MEP1A: variants seen among roughly 807,000 people sequenced by gnomAD.
The protein encoded by MEP1A is N-benzoyl-L-tyrosyl-P-amino-benzoic acid hydrolase subunit alpha.
Under a neutral mutation model 84.5 loss-of-function variants are expected in MEP1A, and 68 were observed. The ratio of observed to expected loss-of-function variants is 0.80; its 90% CI spans 0.66 to 0.98. The LOEUF (loss-of-function observed/expected upper bound fraction) is 0.98. Among genes scored for constraint, MEP1A ranks in the 50% least tolerant of loss-of-function variants. The pLI, the probability that MEP1A is intolerant of heterozygous loss-of-function variation, is 0.00. For missense variants in MEP1A, 887 were observed against 919.9 expected (o/e 0.96, Z 0.46); for synonymous variants, 337 against 336.8 (o/e 1.00, Z -0.01).
chr6:46,814,290 CT>C (rs1186974418), intron 6 of MEP1A, among the ~76,000 whole-genome samples: 3 of 152,038 alleles, frequency 2.0e-5, no homozygotes, highest in Non-Finnish European at 4.4e-5. Context: ...ATTCAAAAGC[CT>C]TGCCTTTGAG....
In MEP1A at chr6:46,829,423, T is replaced by A; in HGVS notation, c.996T>A (p.Ser332=). 1 of 1,614,156 alleles carries A rather than the reference T, an allele frequency of 6.2e-7. No homozygotes were observed. The highest frequency in any genetic ancestry group is 2.2e-5 in the East Asian group (1 of 44,878). ...CGGAAGAGGCAGCCCTACTGGAGTC[T>A]CGGATTCTTTACCCAAAGAGGAAGC... The part of the protein sequence containing the change: ...GSAEEAALLE[S]RILYPKRKQQ... Residue 332 remains serine (S), a synonymous_variant, in exon 10 of 14, where the codon TCT becomes TCA. Coordinates refer to ENST00000230588, the MANE Select transcript of MEP1A (RefSeq NM_005588.3).
chr6:46,833,641 G>T, intron 11 of MEP1A, 103 bp downstream of exon 11: 1 of 835,280 alleles, frequency 1.2e-6, no homozygotes, highest in Non-Finnish European at 1.9e-6. Context: ...CACATTGTCT[G>T]TTTGGGAATA....
At chr6:46,843,045 A>G (rs1157252661), downstream of MEP1A, among the ~76,000 whole-genome samples, 1 of 152,222 alleles carries the variant, frequency 6.6e-6, no homozygotes, top group African/African-American at 2.4e-5. Flanking sequence ...GGTTCATTCT[A>G]GACACATACA....
intron 10 of MEP1A, among the ~76,000 whole-genome samples, chr6:46,830,898 A>G (rs1003638300): frequency 3.3e-5 from 5 of 152,208 alleles, no homozygotes; most frequent in African/African-American, 1.2e-4. Context: ...GTGTTATGTT[A>G]CCAAGGATTG....
At chr6:46,822,130 C>G (rs1024321628) in intron 7 of MEP1A, among the ~76,000 whole-genome samples, 1 of 152,158 alleles carries the variant, frequency 6.6e-6, no homozygotes, top group East Asian at 1.9e-4. Context: ...GGTTGACAAA[C>G]TATAGTCCAT....
intron 6 of MEP1A, among the ~76,000 whole-genome samples, chr6:46,816,899 C>T (rs1398336352): frequency 6.6e-6 from 1 of 152,054 alleles, no homozygotes; most frequent in Non-Finnish European, 1.5e-5. Context: ...TGAGCAGGAG[C>T]CTGGTGATGG....
At chr6:46,836,298 T>A (rs1468113311) in intron 13 of MEP1A, among the ~76,000 whole-genome samples, 2 of 152,214 alleles carry the variant, frequency 1.3e-5, no homozygotes, top group African/African-American at 4.8e-5. Flanking sequence ...CTAAAAACTG[T>A]TTCACAAAAG....
At chr6:46,827,880 T>G (rs1767983096) in intron 9 of MEP1A, among the ~76,000 whole-genome samples, 1 of 152,202 alleles carries the variant, frequency 6.6e-6, no homozygotes, top group African/African-American at 2.4e-5. Flanking sequence ...AAAAATGTTC[T>G]AGTAAGAGAA....
chr6:46,804,588 G>C (rs954640554), intron 5 of MEP1A, among the ~76,000 whole-genome samples: 2 of 151,688 alleles, frequency 1.3e-5, no homozygotes. Context: ...AAGTATGCAT[G>C]TAATTAACTA....
At chr6:46,806,493 C>T (rs939016807) in intron 5 of MEP1A, among the ~76,000 whole-genome samples, 1 of 151,896 alleles carries the variant, frequency 6.6e-6, no homozygotes, top group African/African-American at 2.4e-5. Flanking sequence ...ATGGAATGCC[C>T]GAGTTTCCCC....
chr6:46,795,296 T>C (rs1365954203), intron 3 of MEP1A, among the ~76,000 whole-genome samples: 1 of 152,154 alleles, frequency 6.6e-6, no homozygotes, highest in Non-Finnish European at 1.5e-5. Context: ...TTTTCTTTTT[T>C]CTCTTTTCTT....
intron 5 of MEP1A, among the ~76,000 whole-genome samples, chr6:46,802,368 CATA>C (rs1237736240): frequency 6.6e-6 from 1 of 151,710 alleles, no homozygotes; most frequent in African/African-American, 2.4e-5. Context: ...AATTTTACTA[CATA>C]ATGTTTTCTG....
chr6:46,798,647 G>A lies in MEP1A; in HGVS notation c.186+1G>A. The A allele has an allele frequency of 1.2e-6, 2 of 1,613,634 alleles. No individual in the cohort carries two copies. The highest frequency in any genetic ancestry group is 1.7e-6 in the Non-Finnish European group (2 of 1,179,626). ...CTTTCAAGGGGACATCCTCTTGCAG[G>A]TGAGTACCTGTCAATGATGCAATAA... is the stretch of plus-strand genomic sequence containing the variant. On this transcript the variant is annotated splice_donor_variant, in intron 4 of 13. Transcript: ENST00000230588. LOFTEE classifies it high-confidence loss of function.
chr6:46,796,779 C>T (rs1407191005), intron 3 of MEP1A, among the ~76,000 whole-genome samples: 1 of 152,202 alleles, frequency 6.6e-6, no homozygotes, highest in Non-Finnish European at 1.5e-5. Flanking sequence ...TCTGAGTGGG[C>T]TTGTTCACTT....
chr6:46,844,363 G>C (rs1768380771), downstream of MEP1A, among the ~76,000 whole-genome samples: 1 of 152,090 alleles, frequency 6.6e-6, no homozygotes, highest in Non-Finnish European at 1.5e-5. Flanking sequence ...GTGTGTAAGA[G>C]TTGCAGCTAA....
intron 3 of MEP1A, among the ~76,000 whole-genome samples, chr6:46,794,275 T>G (rs550153995): frequency 5.4e-4 from 83 of 152,330 alleles, no homozygotes; most frequent in Middle Eastern, 3.4e-3. Flanking sequence ...TTGTCCTGCT[T>G]CTGAAATGAG....
intron 5 of MEP1A, among the ~76,000 whole-genome samples, chr6:46,801,249 G>A (rs1481434785): frequency 6.6e-6 from 1 of 152,076 alleles, no homozygotes; most frequent in African/African-American, 2.4e-5. Flanking sequence ...AAATATATGA[G>A]TGTTTCATTT....
At chr6:46,811,268 G>C (rs1328121200) in intron 6 of MEP1A, among the ~76,000 whole-genome samples, 1 of 152,004 alleles carries the variant, frequency 6.6e-6, no homozygotes, top group Non-Finnish European at 1.5e-5. Flanking sequence ...TTGATTCTTA[G>C]CTTGGACACT....
intron 7 of MEP1A, among the ~76,000 whole-genome samples, chr6:46,823,284 G>A (rs1432962697): frequency 6.6e-6 from 1 of 152,148 alleles, no homozygotes; most frequent in African/African-American, 2.4e-5. Context: ...CTCTGTATGA[G>A]GCAGTTACAT....
Sources: gnomAD v4.1 joint callset for allele counts (sites outside exome capture counted in the v4.1 genomes callset) on GRCh38, gnomAD v4.1.1 for gene constraint, MANE v1.5 for transcripts, NCBI Gene and HGNC (gene_info 2026-07-23, HGNC 2026-07-21) for gene names.